The following C8B variants were observed in gnomAD, a reference collection of about 807,000 sequenced individuals.
C8B encodes the protein complement component C8 beta chain.
In C8B, 67 loss-of-function variants were observed where a neutral mutation model predicts 64.6. The ratio of observed to expected loss-of-function variants is 1.04; its 90% CI spans 0.85 to 1.27. The LOEUF is 1.27. Ranked by LOEUF, C8B falls within the 50% of genes most tolerant of loss-of-function variation. The pLI, the probability that C8B is intolerant of heterozygous loss-of-function variation, is 0.00. For missense variants in C8B, 790 were observed against 725.2 expected (o/e 1.09, Z -1.03); for synonymous variants, 284 against 257.7 (o/e 1.10, Z -0.98).
At chr1:56,943,873 T>C in intron 7 of C8B, 49 bp from the exon 8 acceptor site, 1 of 1,607,944 alleles carries the variant, frequency 6.2e-7, no homozygotes, top group Non-Finnish European at 8.5e-7. Context: ...TAGTTCACTC[T>C]GTCCCTTTTC....
chr1:56,953,209 A>C (rs1215447517), intron 4 of C8B, among the ~76,000 whole-genome samples: 2 of 152,032 alleles, frequency 1.3e-5, no homozygotes, highest in African/African-American at 4.8e-5. Flanking sequence ...AACTACTGAA[A>C]TTTCTGTTTT....
intron 6 of C8B, among the ~76,000 whole-genome samples, chr1:56,948,310 G>T (rs958020672): frequency 2.6e-5 from 4 of 152,220 alleles, no homozygotes; most frequent in Admixed American, 2.6e-4. Flanking sequence ...AGAGGTAATA[G>T]GAGTTAGTGT....
At chr1:56,953,408 C>A (rs941785447) in intron 4 of C8B, among the ~76,000 whole-genome samples, 1 of 152,194 alleles carries the variant, frequency 6.6e-6, no homozygotes, top group Admixed American at 6.5e-5. Context: ...AATTTACACA[C>A]AATGGCTCAT....
chr1:56,952,108 C>T lies in C8B; in HGVS notation c.606G>A (p.Pro202=), dbSNP rs34438223. The part of the protein sequence containing the change: ...DHRYYAGGCS[P]HYILNTRFRK... ...TAAACCTCGTGTTCAGGATGTAATG[C>T]GGGGAGCATCCACCTGCATAATACC... The change falls in exon 5 of 12, where the codon CCG becomes CCA. Residue 202 remains proline, a synonymous_variant. Coordinates refer to ENST00000371237, the MANE Select transcript of C8B (RefSeq NM_000066.4). The T allele has an allele frequency of 7.3e-3, 11,751 of 1,614,098 alleles. 153 individuals carry two copies. The highest frequency in any genetic ancestry group is 0.047 in the South Asian group (4,254 of 91,078).
intron 1 of C8B, among the ~76,000 whole-genome samples, chr1:56,965,398 A>AGAGAGTGTGTGTGT (rs1553120321): frequency 0.017 from 2,360 of 142,648 alleles, 42 homozygotes; most frequent in Non-Finnish European, 0.027. Flanking sequence ...AGAGAGAGAG[A>AGAGAGTGTGTGTGT]GTGTGTGTGT....
intron 11 of C8B, chr1:56,931,582 A>G: frequency 2.1e-6 from 1 of 481,448 alleles, no homozygotes; most frequent in Non-Finnish European, 3.9e-6. Context: ...CCACGCATTG[A>G]TATTTCTCTA....
At position 56,956,884 on chromosome 1, in the gene C8B, G is replaced by A. The variant is rs138368595; in HGVS notation, c.276C>T (p.Pro92=). The change falls in exon 3 of 12, where the codon CCC becomes CCT. Residue 92 remains proline, a synonymous_variant. Coordinates refer to ENST00000371237, the MANE Select transcript of C8B (RefSeq NM_000066.4). ...KRYRYAYLLQ[P]SQFHGEPCNF... Reference sequence around the variant, plus strand: ...TGCACGGTTCCCCATGGAACTGAGAGGGCTGGAGCAAGTAGGCATACCTGT... The same window carrying A: ...TGCACGGTTCCCCATGGAACTGAGAAGGCTGGAGCAAGTAGGCATACCTGT... The A allele has an allele frequency of 1.3e-3, 2,059 of 1,614,092 alleles. 35 individuals are homozygous for A. The South Asian group carries it at 0.02, about 16-fold the overall frequency.
chr1:56,953,522 C>T (rs556457139), intron 4 of C8B, among the ~76,000 whole-genome samples: 6 of 152,142 alleles, frequency 3.9e-5, no homozygotes, highest in Middle Eastern at 3.2e-3. Context: ...GTCTCCCTGC[C>T]GGGAACAATG....
In C8B at chr1:56,954,823, C is replaced by T; in HGVS notation, c.396G>A (p.Arg132=). ...CEGFVCAQTG[R]CVNRRLLCNG... ...TGCAAAGAAGTCTGCGGTTTACACA[C>T]CTTCCTAGAATGGAGAAAGAGTATT... Residue 132 remains arginine, a synonymous_variant, in exon 4 of 12, where the codon AGG becomes AGA. Transcript: ENST00000371237. 1.2e-6 allele frequency: 2 copies of T among 1,614,138 alleles called. No homozygotes were observed. The highest frequency in any genetic ancestry group is 1.1e-5 in the South Asian group (1 of 91,084).
At chr1:56,962,744 C>T (rs1057491754) in intron 1 of C8B, among the ~76,000 whole-genome samples, 2 of 152,208 alleles carry the variant, frequency 1.3e-5, no homozygotes, top group African/African-American at 4.8e-5. Context: ...TTGCTCCCCC[C>T]ACCTTACCCC....
intron 8 of C8B, among the ~76,000 whole-genome samples, chr1:56,941,419 AG>A (rs1644853215): frequency 6.6e-6 from 1 of 152,134 alleles, no homozygotes; most frequent in Admixed American, 6.5e-5. Flanking sequence ...GTAGGTAGAT[AG>A]GTGATAGGAG....
chr1:56,943,053 G>A (rs906227741), intron 8 of C8B, among the ~76,000 whole-genome samples: 6 of 151,638 alleles, frequency 4.0e-5, no homozygotes, highest in South Asian at 2.1e-4. Flanking sequence ...CCGAGATCAC[G>A]CCAGAGTAAG....
intron 10 of C8B, 49 bp from the exon 11 acceptor site, chr1:56,931,927 G>T: frequency 1.5e-6 from 2 of 1,324,390 alleles, no homozygotes; most frequent in Non-Finnish European, 2.2e-6. Flanking sequence ...GTGGAGCAAA[G>T]AACTCCTGGA....
intron 1 of C8B, among the ~76,000 whole-genome samples, chr1:56,963,309 A>G (rs1645204444): frequency 6.6e-6 from 1 of 152,194 alleles, no homozygotes; most frequent in Non-Finnish European, 1.5e-5. Context: ...GGGTGCGTCA[A>G]TATATTTTGG....
chr1:56,956,638 T>A, intron 3 of C8B, 131 bp downstream of exon 3: 3 of 891,920 alleles, frequency 3.4e-6, no homozygotes, highest in Non-Finnish European at 5.6e-6. Flanking sequence ...GTCAGAGATT[T>A]TAGGACAAGG....
rs752999987 is a variant in C8B, at chr1:56,949,614, T to C, written c.805A>G (p.Ser269Gly). ...TGTTTGCCTCGATCACTTTGACTACTGATGCCAAGTTCAAATATTCCAGGT... is the reference window on the plus strand; with the variant it reads ...TGTTTGCCTCGATCACTTTGACTACCGATGCCAAGTTCAAATATTCCAGGT... Reference protein sequence around the residue: ...KIPGIFELGISSQSDRGKHYI... With the variant: ...KIPGIFELGIGSQSDRGKHYI... Residue 269 changes from serine (S) to glycine (G), a missense_variant, in exon 6 of 12, where the codon AGT becomes GGT. Coordinates refer to ENST00000371237, the MANE Select transcript of C8B (RefSeq NM_000066.4). 1.2e-6 allele frequency: 2 copies of C among 1,614,010 alleles called. No homozygotes were observed. The highest frequency in any genetic ancestry group is 1.1e-5 in the South Asian group (1 of 91,080).
chr1:56,958,753 T>C (rs1332465497), intron 2 of C8B, among the ~76,000 whole-genome samples: 1 of 152,192 alleles, frequency 6.6e-6, no homozygotes, highest in African/African-American at 2.4e-5. Flanking sequence ...TCCAGATAAT[T>C]GGATCAATGC....
intron 11 of C8B, among the ~76,000 whole-genome samples, chr1:56,930,045 C>A (rs568871170): frequency 6.6e-6 from 1 of 152,314 alleles, no homozygotes; most frequent in South Asian, 2.1e-4. Context: ...ATTTGTTCAC[C>A]TAGCAGCTAG....
At chr1:56,961,880 A>T (rs1570408699) in intron 1 of C8B, among the ~76,000 whole-genome samples, 1 of 152,148 alleles carries the variant, frequency 6.6e-6, no homozygotes, top group Admixed American at 6.6e-5. Flanking sequence ...TGGATACTTT[A>T]AAACGGTTAC....
Sources: gnomAD v4.1 joint callset for allele counts (sites outside exome capture counted in the v4.1 genomes callset) on GRCh38, gnomAD v4.1.1 for gene constraint, MANE v1.5 for transcripts, NCBI Gene and HGNC (gene_info 2026-07-23, HGNC 2026-07-21) for gene names.